Variants in KCNQ3 observed in about 807,000 individuals in gnomAD.
KCNQ3 encodes potassium voltage-gated channel subfamily KQT member 3.
KCNQ3 carries 30 observed loss-of-function variants against 92.5 expected under a neutral mutation model. That is an observed-to-expected ratio of 0.32 (90% CI 0.24 to 0.44). KCNQ3 has a LOEUF of 0.44. Ranked by LOEUF, KCNQ3 falls within the 20% of genes least tolerant of loss-of-function variation. The pLI, the probability that KCNQ3 is intolerant of heterozygous loss-of-function variation, is 1.00. For missense variants in KCNQ3, 913 were observed against 1,140.3 expected, an observed-to-expected ratio of 0.80 and a Z score of 2.87; for synonymous variants, 450 against 468.8, an observed-to-expected ratio of 0.96 and a Z score of 0.52.
rs2130931710 is a variant in KCNQ3 at position 132,134,381 on chromosome 8, T to C, written c.1708A>G (p.Met570Val). Residue 570 changes from methionine to valine, a missense_variant, in exon 13 of 15, where the codon ATG (methionine) becomes GTG (valine). Met to Val is a conservative substitution (Grantham distance 21). Transcript: ENST00000388996. ...GAGGGAGGTCCAGGGGTGAAAATCATATCTATTCTGAAAGAAACAAACAGA... is the reference window on the plus strand; with the variant it reads ...GAGGGAGGTCCAGGGGTGAAAATCACATCTATTCTGAAAGAAACAAACAGA... ...RIKYLQTRID[M>V]IFTPGPPSTP... The C allele has an allele frequency of 6.2e-7, 1 of 1,609,662 alleles. No individual in the cohort carries two copies. The highest frequency in any genetic ancestry group is 8.5e-7 in the Non-Finnish European group (1 of 1,175,962).
At chr8:132,184,727 T>A (rs1271015914) in intron 2 of KCNQ3, among the ~76,000 whole-genome samples, 1 of 152,192 alleles carries the variant, frequency 6.6e-6, no homozygotes, top group Non-Finnish European at 1.5e-5. Context: ...AAAAGAGAGA[T>A]ATGAGTGAAA....
intron 1 of KCNQ3, among the ~76,000 whole-genome samples, chr8:132,466,013 C>A (rs957485440): frequency 6.6e-6 from 1 of 151,968 alleles, no homozygotes; most frequent in Non-Finnish European, 1.5e-5. Flanking sequence ...GTGACCATAC[C>A]ATAATATTAA....
At chr8:132,307,860 A>T (rs1303328350) in intron 1 of KCNQ3, among the ~76,000 whole-genome samples, 1 of 152,220 alleles carries the variant, frequency 6.6e-6, no homozygotes, top group East Asian at 1.9e-4. Context: ...TAGAAAGGTT[A>T]TATGAGTCGG....
chr8:132,479,949 A>ACACACACAC (rs1822505968), intron 1 of KCNQ3, among the ~76,000 whole-genome samples, 198 bp downstream of exon 1: 1 of 137,094 alleles, frequency 7.3e-6, no homozygotes, highest in African/African-American at 2.7e-5. Context: ...GGAGAGCGGC[A>ACACACACAC]ACACACACAC....
At chr8:132,431,984 T>C (rs569204225) in intron 1 of KCNQ3, among the ~76,000 whole-genome samples, 1 of 152,326 alleles carries the variant, frequency 6.6e-6, no homozygotes, top group East Asian at 1.9e-4. Context: ...GGCATCAATA[T>C]TGGCTTCTCC....
chr8:132,262,446 T>C (rs1815818268), intron 1 of KCNQ3, among the ~76,000 whole-genome samples: 1 of 152,166 alleles, frequency 6.6e-6, no homozygotes, highest in Admixed American at 6.5e-5. Flanking sequence ...AGGTAAATAA[T>C]ATTTTAATGC....
rs542515083 is a variant in KCNQ3, at chr8:132,216,786, C to G, written c.387-30605G>C. ...CTTATTAGCTCATAGTCCTCTCTGA[C>G]AACACAGAGAGGGCAGAGTGGGCAC... On this transcript the variant is annotated intron_variant, in intron 1 of 14. Transcript: ENST00000388996. Among the ~76,000 whole-genome samples the G allele has an allele frequency of 3.3e-5, 5 of 152,238 alleles. No homozygotes were observed. The South Asian group carries it at 1.0e-3, about 32-fold the overall frequency.
intron 1 of KCNQ3, among the ~76,000 whole-genome samples, chr8:132,424,055 C>A (rs1287663047): frequency 6.6e-6 from 1 of 152,188 alleles, no homozygotes; most frequent in African/African-American, 2.4e-5. Context: ...GCTTGATACT[C>A]TTCTTCCCCA....
Position 132,136,284 on chromosome 8 carries a change from G to C in KCNQ3, c.1700+1601C>G, listed in dbSNP as rs565108319. On this transcript the variant is annotated intron_variant, in intron 12 of 14. Transcript: ENST00000388996. ...AACATCACTCGGACAGGGAAGCTGA[G>C]GCCCAGAGAGGACGCGTGTCCATTG... 3.0e-4 allele frequency among the ~76,000 whole-genome samples: 45 copies of C among 152,250 alleles called. No homozygotes were observed. In the South Asian group the frequency reaches 3.9e-3, roughly 13 times the overall value.
At chr8:132,246,722 G>A (rs1447539481) in intron 1 of KCNQ3, among the ~76,000 whole-genome samples, 2 of 152,106 alleles carry the variant, frequency 1.3e-5, no homozygotes, top group Non-Finnish European at 2.9e-5. Flanking sequence ...ATTTGTGCTC[G>A]CTCTTCAACT....
chr8:132,157,894 G>T (rs558293305), intron 9 of KCNQ3, among the ~76,000 whole-genome samples: 1 of 152,050 alleles, frequency 6.6e-6, no homozygotes, highest in African/African-American at 2.4e-5. Context: ...TGTTCTCATT[G>T]TTCAACTCCC....
At chr8:132,271,846 G>A (rs1459020548) in intron 1 of KCNQ3, among the ~76,000 whole-genome samples, 1 of 152,172 alleles carries the variant, frequency 6.6e-6, no homozygotes, top group Non-Finnish European at 1.5e-5. Flanking sequence ...CCGGCCCTGT[G>A]ACGTCTGCTG....
At chr8:132,352,123 G>A (rs550348519) in intron 1 of KCNQ3, among the ~76,000 whole-genome samples, 45 of 152,242 alleles carry the variant, frequency 3.0e-4, no homozygotes, top group African/African-American at 1.1e-3. Context: ...TTCAACCCAC[G>A]TTTAGACGAG....
chr8:132,351,861 C>T (rs11995574), intron 1 of KCNQ3, among the ~76,000 whole-genome samples: 1 of 152,168 alleles, frequency 6.6e-6, no homozygotes, highest in African/African-American at 2.4e-5. Context: ...AAATTCTGGA[C>T]CTGCCAGCTG....
intron 1 of KCNQ3, among the ~76,000 whole-genome samples, chr8:132,192,314 C>T (rs907465359): frequency 2.0e-5 from 3 of 152,150 alleles, no homozygotes; most frequent in African/African-American, 4.8e-5. Flanking sequence ...AAAATAAATA[C>T]GGAAACCCTC....
Position 132,129,558 on chromosome 8 carries a change from A to C in KCNQ3, c.2323T>G (p.Ser775Ala), listed in dbSNP as rs539957072. 5.4e-5 allele frequency: 87 copies of C among 1,613,722 alleles called. 2 individuals carry two copies. In the South Asian group the frequency reaches 9.1e-4, roughly 17 times the overall value. ...DLQGPYSDRI[S>A]PRQRRSITRD... Reference sequence around the variant, plus strand: ...GTGATGCTACGTCTCTGCCGGGGGGAGATTCGGTCCGAGTAGGGGCCCTGC... The same window carrying C: ...GTGATGCTACGTCTCTGCCGGGGGGCGATTCGGTCCGAGTAGGGGCCCTGC... The change falls in exon 15 of 15, where the codon TCC (serine) becomes GCC (alanine). Residue 775 changes from serine to alanine, a missense_variant. Coordinates refer to ENST00000388996, the MANE Select transcript of KCNQ3 (RefSeq NM_004519.4). The surrounding 1 kb of genome is among the most constrained non-coding windows in gnomAD (Gnocchi z 5.9).
At chr8:132,344,216 T>G (rs1217336889) in intron 1 of KCNQ3, among the ~76,000 whole-genome samples, 1 of 152,192 alleles carries the variant, frequency 6.6e-6, no homozygotes, top group Non-Finnish European at 1.5e-5. Flanking sequence ...TATTATAGGG[T>G]CAGTACCCTA....
At chr8:132,468,096 G>A (rs1378496446) in intron 1 of KCNQ3, among the ~76,000 whole-genome samples, 1 of 152,222 alleles carries the variant, frequency 6.6e-6, no homozygotes, top group African/African-American at 2.4e-5. Flanking sequence ...TTGCTGCAAA[G>A]TAACTGCTGA....
chr8:132,316,785 A>G (rs932655206), intron 1 of KCNQ3, among the ~76,000 whole-genome samples: 10 of 152,246 alleles, frequency 6.6e-5, no homozygotes, highest in East Asian at 1.9e-4. Flanking sequence ...AGCACTTCAC[A>G]TATGTGAATT....
Sources: gnomAD v4.1 joint callset for allele counts (sites outside exome capture counted in the v4.1 genomes callset) on GRCh38, gnomAD v4.1.1 for gene constraint, Gnocchi (gnomAD v3.1) non-coding constraint, MANE v1.5 for transcripts, NCBI Gene and HGNC (gene_info 2026-07-23, HGNC 2026-07-21) for gene names.